The following PRPF38B variants were observed in gnomAD, a reference collection of about 807,000 sequenced individuals.
PRPF38B encodes the protein pre-mRNA processing factor 38B.
A neutral mutation model predicts 67.2 loss-of-function variants in PRPF38B; 18 were observed. The ratio of observed to expected loss-of-function variants is 0.27; its 90% confidence interval spans 0.19 to 0.40. The LOEUF (loss-of-function observed/expected upper bound fraction) is 0.40, where lower values mean the gene tolerates loss of function less well. Ranked by LOEUF, PRPF38B falls within the 10% of genes least tolerant of loss-of-function variation. The pLI, the probability that PRPF38B is intolerant of heterozygous loss-of-function variation, is 1.00. For missense variants in PRPF38B, 544 were observed against 684.9 expected (o/e 0.79, Z 2.30); for synonymous variants, 246 against 234.2 (o/e 1.05, Z -0.46).
chr1:108,699,375 T>C lies in PRPF38B; in HGVS notation c.996T>C (p.Ser332=). 6.2e-7 allele frequency: 1 copy of C among 1,613,400 alleles called. No homozygotes were observed. The change falls in exon 6 of 6, where the codon AGT becomes AGC. Residue 332 remains serine, a synonymous_variant. Coordinates refer to ENST00000370025, the MANE Select transcript of PRPF38B (RefSeq NM_018061.4). ...DRGLERRRSR[S]RERHRSRSRS... is the part of the protein sequence containing the mutation. ...GGTTAGAACGCAGGCGCAGCAGAAG[T>C]AGGGAAAGGCATAGAAGTCGCAGTC... is the stretch of plus-strand genomic sequence containing the variant.
intron 4 of PRPF38B, chr1:108,696,746 A>G (rs1050171080): frequency 2.8e-6 from 2 of 716,818 alleles, no homozygotes; most frequent in Middle Eastern, 2.3e-4. Context: ...TCAGTTCTTC[A>G]CCCTCTAGCT....
At chr1:108,698,014 T>A (rs760698317) in intron 4 of PRPF38B, 8 of 152,228 alleles carry the variant, frequency 5.3e-5, no homozygotes, top group Non-Finnish European at 8.8e-5. Context: ...AAGGCCTTCA[T>A]GCGGTAATGA....
At chr1:108,697,060 G>C (rs1659937047) in intron 4 of PRPF38B, 2 of 334,666 alleles carry the variant, frequency 6.0e-6, no homozygotes, top group South Asian at 1.1e-4. Context: ...GAGCAATATA[G>C]TGAGACCTCA....
chr1:108,701,897 C>T lies in PRPF38B; in HGVS notation c.*1877C>T, dbSNP rs1213840681. 6.6e-6 allele frequency: 1 copy of T among 152,042 alleles called. No homozygotes were observed. The highest frequency in any genetic ancestry group is 1.5e-5 in the Non-Finnish European group (1 of 67,998). The allele number at this position is 152,042 out of a possible 1,614,324, so 9.4% of individuals were successfully genotyped here. ...TATAGACACCCAGAAGTTAGAAAAA[C>T]CTATTGTATAATATGAAAGCCACTA... On this transcript the variant is annotated 3_prime_UTR_variant, in exon 6 of 6. Coordinates refer to ENST00000370025, the MANE Select transcript of PRPF38B (RefSeq NM_018061.4).
In PRPF38B at chr1:108,692,469, G is replaced by A; in HGVS notation, c.-123G>A. On this transcript the variant is annotated 5_prime_UTR_variant, in exon 1 of 6. Transcript: ENST00000370025. ...CTCTCTTGCCCAGCTGGGGCACAGCGAGGCGGCCCCTTCTCCCGACGACGT... is the reference window on the plus strand; with the variant it reads ...CTCTCTTGCCCAGCTGGGGCACAGCAAGGCGGCCCCTTCTCCCGACGACGT... 3.4e-6 allele frequency: 4 copies of A among 1,179,408 alleles called. No homozygotes were observed. The highest frequency in any genetic ancestry group is 4.6e-6 in the Non-Finnish European group (4 of 866,766). The allele number at this position is 1,179,408 out of a possible 1,614,324, so 73.1% of individuals were successfully genotyped here. A position where few individuals can be genotyped will look rare whatever the true frequency, so the allele number is the denominator to read the frequency against.
intron 4 of PRPF38B, chr1:108,696,689 T>G: frequency 1.4e-6 from 1 of 714,934 alleles, no homozygotes; most frequent in Non-Finnish European, 2.6e-6. Context: ...TAATAAAAGA[T>G]ATGCACATAG....
chr1:108,692,564 T>TTCCC lies in PRPF38B; in HGVS notation c.-20_-17dup, dbSNP rs756603016. 2 of 937,612 alleles carry TTCCC rather than the reference T, an allele frequency of 2.1e-6. No homozygotes were observed. Among genetic ancestry groups the TTCCC allele is most frequent in the Non-Finnish European group, 1.5e-6 (1 of 651,488 alleles). The allele number at this position is 937,612 out of a possible 1,614,324, so 58.1% of individuals were successfully genotyped here. A position where few individuals can be genotyped will look rare whatever the true frequency, so the allele number is the denominator to read the frequency against. On this transcript the variant is annotated 5_prime_UTR_variant, in exon 1 of 6. Transcript: ENST00000370025. ...GAGCTTGGCCCCCTCCCCCCCCTCCTTCCCTCCCTCCTTCCTTCCGCCGCA... is the reference window on the plus strand; with the variant it reads ...GAGCTTGGCCCCCTCCCCCCCCTCCTTCCCTCCCTCCCTCCTTCCTTCCGCCGCA...
In PRPF38B at chr1:108,700,407, A is replaced by C. The variant is rs1660361127; in HGVS notation, c.*387A>C. The C allele has an allele frequency of 6.0e-6, 1 of 165,888 alleles. No homozygotes were observed. The highest frequency in any genetic ancestry group is 1.3e-5 in the Non-Finnish European group (1 of 76,240). The allele number at this position is 165,888 out of a possible 1,614,324, so 10.3% of individuals were successfully genotyped here. On this transcript the variant is annotated 3_prime_UTR_variant, in exon 6 of 6. Transcript: ENST00000370025. ...TGTGGGATTATGGTTTGTGTACTGA[A>C]GTTAGCATGGCTGTGCTTTTCGTAA...
chr1:108,693,018 A>G (rs1570670223), intron 1 of PRPF38B, 151 bp downstream of exon 1: 2 of 1,031,946 alleles, frequency 1.9e-6, no homozygotes, highest in South Asian at 1.7e-5. Context: ...TGTGTCTGGG[A>G]GGGGTCGGAC....
Position 108,692,719 on chromosome 1 carries a change from A to C in PRPF38B, c.128A>C (p.Gln43Pro), listed in dbSNP as rs754973152. ...GATKPAVSGK[Q>P]GNVLPLWGNE... ...ACCAAGCCGGCGGTCTCCGGCAAGC[A>C]GGGCAATGTGCTCCCGCTCTGGGGC... Residue 43 changes from glutamine to proline, a missense_variant, in exon 1 of 6, where the codon CAG becomes CCG. Around this residue, in one of 5 missense-constraint regions of PRPF38B, gnomAD observed 70 missense variants for 58.4 expected, o/e 1.20. Coordinates refer to ENST00000370025, the MANE Select transcript of PRPF38B (RefSeq NM_018061.4). The C allele has an allele frequency of 6.2e-7, 1 of 1,613,788 alleles. No individual in the cohort carries two copies. Among genetic ancestry groups the C allele is most frequent in the South Asian group, 1.1e-5 (1 of 91,084 alleles).
rs1486010140 is a variant in PRPF38B at position 108,692,726 on chromosome 1, T to C, written c.135T>C (p.Asn45=). Residue 45 remains asparagine, a synonymous_variant, in exon 1 of 6, where the codon AAT becomes AAC. Transcript: ENST00000370025. ...CGGCGGTCTCCGGCAAGCAGGGCAA[T>C]GTGCTCCCGCTCTGGGGCAACGAGA... is the stretch of plus-strand genomic sequence containing the variant. ...TKPAVSGKQG[N]VLPLWGNEKT... is the part of the protein sequence containing the mutation. 1 of 1,613,816 alleles carries C rather than the reference T, an allele frequency of 6.2e-7. No individual in the cohort carries two copies. Among genetic ancestry groups the C allele is most frequent in the Non-Finnish European group, 8.5e-7 (1 of 1,180,024 alleles).
rs1659840094 is a variant in PRPF38B at position 108,696,156 on chromosome 1, C to T, written c.459C>T (p.Asp153=). 1 of 1,613,764 alleles carries T rather than the reference C, an allele frequency of 6.2e-7. No homozygotes were observed. The highest frequency in any genetic ancestry group is 1.3e-5 in the African/African-American group (1 of 74,894). Reference sequence around the variant, plus strand: ...TGATGGGTCTTATAACACACACAGACTCTCCATATATTAGAGCGCTTGGAT... The same window carrying T: ...TGATGGGTCTTATAACACACACAGATTCTCCATATATTAGAGCGCTTGGAT... ...KQVMGLITHT[D]SPYIRALGFM... Residue 153 remains aspartate, a synonymous_variant, in exon 3 of 6, where the codon GAC becomes GAT. Coordinates refer to ENST00000370025, the MANE Select transcript of PRPF38B (RefSeq NM_018061.4).
rs989373556 is a variant in PRPF38B, at chr1:108,696,964, T to G, written c.558+627T>G. The G allele has an allele frequency of 9.0e-6, 5 of 554,612 alleles. No individual in the cohort carries two copies. In the African/African-American group the frequency reaches 9.7e-5, roughly 11 times the overall value. 34.4% of individuals were successfully genotyped at this position (554,612 alleles called of 1,614,324 possible). ...CTCCCTAATTTGAAATCTGAAATACTAAGTTAGATTTAAATCGTGTATGCA... is the reference window on the plus strand; with the variant it reads ...CTCCCTAATTTGAAATCTGAAATACGAAGTTAGATTTAAATCGTGTATGCA... On this transcript the variant is annotated intron_variant, in intron 4 of 5. Transcript: ENST00000370025.
At position 108,701,623 on chromosome 1, in the gene PRPF38B, G is replaced by A. The variant is rs556239704; in HGVS notation, c.*1603G>A. The stretch of plus-strand genomic sequence containing the variant: ...TCTGACAGTGTAGTGAACCTGGCAC[G>A]CACATTGAGGTTTGTTTTATCTCAC... On this transcript the variant is annotated 3_prime_UTR_variant, in exon 6 of 6. Coordinates refer to ENST00000370025, the MANE Select transcript of PRPF38B (RefSeq NM_018061.4). The A allele has an allele frequency of 2.0e-5, 3 of 152,290 alleles. No individual in the cohort carries two copies. Among genetic ancestry groups the A allele is most frequent in the Non-Finnish European group, 2.9e-5 (2 of 68,020 alleles). 9.4% of individuals were successfully genotyped at this position (152,290 alleles called of 1,614,324 possible). A position where few individuals can be genotyped will look rare whatever the true frequency, so the allele number is the denominator to read the frequency against.
chr1:108,696,461 C>A, intron 4 of PRPF38B, 124 bp downstream of exon 4: 1 of 850,526 alleles, frequency 1.2e-6, no homozygotes, highest in South Asian at 1.8e-5. Context: ...CAGTGAGATA[C>A]TTTTGGAATT....
In PRPF38B at chr1:108,702,742, AAAC is replaced by A. The variant is rs1660637844; in HGVS notation, c.*2723_*2725del. On this transcript the variant is annotated 3_prime_UTR_variant, in exon 6 of 6. Transcript: ENST00000370025. ...CAAGGTACATGTATATCTAGGTAAC[AAAC>A]CGGCACGTTCTGCACATGTATCTGA... 6.6e-6 allele frequency among the ~76,000 whole-genome samples: 1 copy of A among 152,190 alleles called. No individual in the cohort carries two copies. Among genetic ancestry groups the A allele is most frequent in the Non-Finnish European group, 1.5e-5 (1 of 68,038 alleles).
At position 108,701,576 on chromosome 1, in the gene PRPF38B, T is replaced by C. The variant is rs1422722787; in HGVS notation, c.*1556T>C. The C allele has an allele frequency of 6.6e-6, 1 of 152,244 alleles. No homozygotes were observed. Among genetic ancestry groups the C allele is most frequent in the Non-Finnish European group, 1.5e-5 (1 of 68,046 alleles). 9.4% of individuals were successfully genotyped at this position (152,244 alleles called of 1,614,324 possible). On this transcript the variant is annotated 3_prime_UTR_variant, in exon 6 of 6. Transcript: ENST00000370025. The stretch of plus-strand genomic sequence containing the variant: ...TAGAGGCCCAAAGTAATGATGTCAG[T>C]GCTAGGGCTAAAACTCAGTATTCTG...
intron 1 of PRPF38B, chr1:108,693,784 T>C (rs942241756): frequency 4.2e-6 from 1 of 239,156 alleles, no homozygotes; most frequent in South Asian, 1.6e-4. Context: ...TCCCTGCAAA[T>C]TATGTAGTAT....
In PRPF38B at chr1:108,702,578, TCA is replaced by T. The variant is rs1660619798; in HGVS notation, c.*2561_*2562del. Among the ~76,000 whole-genome samples the T allele has an allele frequency of 6.6e-6, 1 of 152,108 alleles. No homozygotes were observed. Among genetic ancestry groups the T allele is most frequent in the African/African-American group, 2.4e-5 (1 of 41,416 alleles). ...AAAACAAGTGGCTATGAAAGACATC[TCA>T]CATTTCTTGAAACATGAGAACATTT... is the stretch of plus-strand genomic sequence containing the variant. On this transcript the variant is annotated 3_prime_UTR_variant, in exon 6 of 6. Coordinates refer to ENST00000370025, the MANE Select transcript of PRPF38B (RefSeq NM_018061.4).
Sources: gnomAD v4.1 joint callset for allele counts (sites outside exome capture counted in the v4.1 genomes callset) on GRCh38, gnomAD v4.1.1 for gene constraint, gnomAD v4.1.1 regional missense constraint, MANE v1.5 for transcripts, NCBI Gene and HGNC (gene_info 2026-07-23, HGNC 2026-07-21) for gene names.